The following CSMD3 variants were observed in gnomAD, a reference collection of about 807,000 sequenced individuals.
The protein encoded by CSMD3 is CUB and sushi domain-containing protein 3.
CSMD3 carries 177 observed loss-of-function variants against 435.2 expected under a neutral mutation model. That is an observed-to-expected ratio of 0.41 (90% CI 0.36 to 0.46). The LOEUF is 0.46. Among genes scored for constraint, CSMD3 ranks in the 20% least tolerant of loss-of-function variants. CSMD3 has a pLI of 0.34. For synonymous variants in CSMD3, 1,656 were observed against 1,520.5 expected, an observed-to-expected ratio of 1.09 and a Z score of -2.07; for missense variants, 4,265 against 4,504.6, an observed-to-expected ratio of 0.95 and a Z score of 1.52.
At chr8:113,101,710 T>C (rs2090335365) in intron 4 of CSMD3, among the ~76,000 whole-genome samples, 2 of 152,082 alleles carry the variant, frequency 1.3e-5, no homozygotes, top group Non-Finnish European at 2.9e-5. Flanking sequence ...ACTCAGTTCC[T>C]CCAGCATTCA....
chr8:112,362,190 A>G (rs937443634), intron 38 of CSMD3, among the ~76,000 whole-genome samples: 2 of 151,936 alleles, frequency 1.3e-5, no homozygotes, highest in Non-Finnish European at 2.9e-5. Flanking sequence ...GTACCTCAGA[A>G]TCAATTGATT....
At chr8:113,210,096 G>A (rs1280426116) in intron 3 of CSMD3, among the ~76,000 whole-genome samples, 2 of 148,096 alleles carry the variant, frequency 1.4e-5, no homozygotes, top group Non-Finnish European at 3.0e-5. Flanking sequence ...TATGCTCTTG[G>A]ATTTTGAAAG....
intron 13 of CSMD3, among the ~76,000 whole-genome samples, chr8:112,703,164 A>G (rs916435168): frequency 6.6e-6 from 1 of 152,172 alleles, no homozygotes; most frequent in Non-Finnish European, 1.5e-5. Flanking sequence ...ATATCTGTGC[A>G]TCATCCACAA....
At chr8:112,720,828 T>C (rs1285371005) in intron 13 of CSMD3, among the ~76,000 whole-genome samples, 1 of 152,244 alleles carries the variant, frequency 6.6e-6, no homozygotes, top group Non-Finnish European at 1.5e-5. Flanking sequence ...ATATATTTTC[T>C]GTTTATACAT....
At chr8:113,026,772 G>A (rs9297484) in intron 5 of CSMD3, among the ~76,000 whole-genome samples, 103,412 of 151,816 alleles carry the variant, frequency 0.68, 37,026 homozygotes, top group East Asian at 0.95. Flanking sequence ...CTTATTCAAG[G>A]CCCATCTAAA....
chr8:113,310,707 G>C (rs761655538), intron 2 of CSMD3: 5 of 151,770 alleles, frequency 3.3e-5, no homozygotes, highest in Non-Finnish European at 5.9e-5. Context: ...ATTGATATAA[G>C]ATTCTGGAAA....
At chr8:113,168,888 G>T (rs945518171) in intron 4 of CSMD3, among the ~76,000 whole-genome samples, 4 of 151,958 alleles carry the variant, frequency 2.6e-5, no homozygotes, top group Non-Finnish European at 4.4e-5. Flanking sequence ...TGACATTTTT[G>T]ATTTCCTACT....
chr8:113,285,780 A>G (rs1220295786), intron 2 of CSMD3, among the ~76,000 whole-genome samples: 1 of 152,196 alleles, frequency 6.6e-6, no homozygotes, highest in African/African-American at 2.4e-5. Context: ...ATTTTGTCAC[A>G]TCTTGACAAT....
intron 13 of CSMD3, among the ~76,000 whole-genome samples, chr8:112,739,762 T>C (rs1336434108): frequency 6.6e-6 from 1 of 151,856 alleles, no homozygotes; most frequent in Non-Finnish European, 1.5e-5. Context: ...TAGCATTGTA[T>C]AGATAATATC....
chr8:113,388,663 C>T (rs1268110564), intron 1 of CSMD3, among the ~76,000 whole-genome samples: 5 of 151,468 alleles, frequency 3.3e-5, no homozygotes, highest in African/African-American at 1.2e-4. Flanking sequence ...CTAAAAAATT[C>T]CCATAAAAAA....
chr8:112,660,866 T>C (rs1006764951), intron 17 of CSMD3, among the ~76,000 whole-genome samples: 1 of 152,090 alleles, frequency 6.6e-6, no homozygotes, highest in Admixed American at 6.6e-5. Context: ...AATGATTGGT[T>C]TTAGGGAAGT....
chr8:113,140,922 A>C (rs561584676), intron 4 of CSMD3, among the ~76,000 whole-genome samples: 1 of 151,238 alleles, frequency 6.6e-6, no homozygotes, highest in South Asian at 2.1e-4. Context: ...AATTAAAAAC[A>C]GAAAATCAAT....
At chr8:113,052,921 T>C (rs1308979810) in intron 5 of CSMD3, among the ~76,000 whole-genome samples, 1 of 152,222 alleles carries the variant, frequency 6.6e-6, no homozygotes, top group Non-Finnish European at 1.5e-5. Flanking sequence ...TTCTCCTCCT[T>C]ATAAGTTTCA....
At chr8:112,816,648 T>C (rs901990984) in intron 12 of CSMD3, among the ~76,000 whole-genome samples, 1 of 151,932 alleles carries the variant, frequency 6.6e-6, no homozygotes, top group African/African-American at 2.4e-5. Context: ...GCCTAGATTT[T>C]AAAAAAGAAT....
intron 11 of CSMD3, among the ~76,000 whole-genome samples, chr8:112,847,185 G>A (rs1224792676): frequency 2.6e-5 from 4 of 152,110 alleles, no homozygotes; most frequent in African/African-American, 7.2e-5. Context: ...CAATGCTCCA[G>A]GTGATCAATA....
intron 13 of CSMD3, among the ~76,000 whole-genome samples, chr8:112,795,561 T>C (rs937716382): frequency 1.3e-5 from 2 of 152,146 alleles, no homozygotes; most frequent in Non-Finnish European, 1.5e-5. Context: ...TAATGGAATT[T>C]TGAGGGGTCC....
intron 1 of CSMD3, among the ~76,000 whole-genome samples, chr8:113,373,938 T>C (rs1466652060): frequency 6.6e-6 from 1 of 152,104 alleles, no homozygotes; most frequent in African/African-American, 2.4e-5. Context: ...CTCACTTCTG[T>C]GAAGCCACAA....
At chr8:112,919,934 T>C (rs2082684953) in intron 10 of CSMD3, among the ~76,000 whole-genome samples, 1 of 151,874 alleles carries the variant, frequency 6.6e-6, no homozygotes, top group Non-Finnish European at 1.5e-5. Flanking sequence ...GTTTTTTGGG[T>C]GTAAACTGGT....
chr8:112,530,564 T>C (rs973816847), intron 27 of CSMD3, among the ~76,000 whole-genome samples: 2 of 152,108 alleles, frequency 1.3e-5, no homozygotes, highest in Admixed American at 6.6e-5. Context: ...CTTTCAAAAA[T>C]GAAGGTTGGA....
Sources: allele counts gnomAD v4.1 joint callset (sites outside exome capture counted in the v4.1 genomes callset), GRCh38; gene constraint gnomAD v4.1.1; transcripts MANE v1.5; gene names NCBI Gene and HGNC (gene_info 2026-07-23, HGNC 2026-07-21).